RUBCN: variants seen among roughly 807,000 people sequenced by gnomAD.
RUBCN encodes the protein run domain Beclin-1-interacting and cysteine-rich domain-containing protein.
Under a neutral mutation model 113.2 loss-of-function variants are expected in RUBCN, and 74 were observed. The ratio of observed to expected loss-of-function variants is 0.65; its 90% CI spans 0.54 to 0.79. RUBCN has a LOEUF of 0.79. RUBCN is among the 30% of genes least tolerant of loss of function. RUBCN has a pLI of 0.00. For synonymous variants in RUBCN, 480 were observed against 490.0 expected (o/e 0.98, Z 0.27); for missense variants, 1,109 against 1,251.7 (o/e 0.89, Z 1.72).
chr3:197,676,882 C>T lies in RUBCN; in HGVS notation c.2646+3G>A. On this transcript the variant is annotated splice_donor_region_variant and intron_variant, in intron 18 of 19. Transcript: ENST00000296343. ...GCTGCATGCTACAGTGAGACTTTCT[C>T]ACCATGCATCTCTCCACATGGGTAG... 6.2e-7 allele frequency: 1 copy of T among 1,614,204 alleles called. No individual in the cohort carries two copies. The highest frequency in any genetic ancestry group is 1.6e-4 in the Middle Eastern group (1 of 6,062).
rs1728181427 is a variant in RUBCN, at chr3:197,736,741, T to C, written c.-22A>G. 4.6e-6 allele frequency: 7 copies of C among 1,528,602 alleles called. No individual in the cohort carries two copies. Among genetic ancestry groups the C allele is most frequent in the Non-Finnish European group, 6.1e-6 (7 of 1,144,556 alleles). 94.7% of individuals were successfully genotyped at this position (1,528,602 alleles called of 1,614,324 possible). On this transcript the variant is annotated 5_prime_UTR_variant, in exon 1 of 20. Coordinates refer to ENST00000296343, the MANE Select transcript of RUBCN (RefSeq NM_014687.4). ...GCATCCGGGGCGGTGAGGCCGCCTC[T>C]TCGCCCAAGAGAGGCGTCCCTGCCG...
intron 11 of RUBCN, among the ~76,000 whole-genome samples, chr3:197,691,397 T>C (rs930222939): frequency 1.3e-5 from 2 of 151,976 alleles, no homozygotes; most frequent in African/African-American, 2.4e-5. Flanking sequence ...ATTATGGCAA[T>C]GACGGAGGCA....
chr3:197,675,009 G>A lies in RUBCN; in HGVS notation c.*9C>T, dbSNP rs1174955536. ...ACCCGGCCCGGAGGGAGGGCTGCACGTGCTTTCTTCAGGTGGCCTCCAGGA... is the reference window on the plus strand; with the variant it reads ...ACCCGGCCCGGAGGGAGGGCTGCACATGCTTTCTTCAGGTGGCCTCCAGGA... On this transcript the variant is annotated 3_prime_UTR_variant, in exon 20 of 20. Coordinates refer to ENST00000296343, the MANE Select transcript of RUBCN (RefSeq NM_014687.4). The surrounding 1 kb of genome is among the most constrained non-coding windows in gnomAD (Gnocchi z 4.4). 8.7e-6 allele frequency: 14 copies of A among 1,610,754 alleles called. No individual in the cohort carries two copies. The highest frequency in any genetic ancestry group is 4.5e-5 in the East Asian group (2 of 44,868).
chr3:197,675,760 T>C lies in RUBCN; in HGVS notation c.2647-245A>G, dbSNP rs1720322338. Among the ~76,000 whole-genome samples, 1 of 152,132 alleles carries C rather than the reference T, an allele frequency of 6.6e-6. No homozygotes were observed. Among genetic ancestry groups the C allele is most frequent in the South Asian group, 2.1e-4 (1 of 4,826 alleles). On this transcript the variant is annotated intron_variant, in intron 18 of 19. Transcript: ENST00000296343. The surrounding 1 kb of genome is among the most constrained non-coding windows in gnomAD (Gnocchi z 4.4). ...CTCCGACCCCCAGCGCGGCTCTCCA[T>C]GAAGAGAGGAGAAGGAGGAAATGGC... is the stretch of plus-strand genomic sequence containing the variant.
rs1720220733 is a variant in RUBCN at position 197,675,181 on chromosome 3, T to G, written c.2756A>C (p.Tyr919Ser). 1 of 1,613,950 alleles carries G rather than the reference T, an allele frequency of 6.2e-7. No homozygotes were observed. The highest frequency in any genetic ancestry group is 1.3e-5 in the African/African-American group (1 of 74,946). ...TCCAGACTTGAAGCAGGCTTTATGG[T>G]AACACGCTTTACACTCTACTCAGGT... ...CRTCEECKAC[Y>S]HKACFKSGSC... Residue 919 changes from tyrosine (Y) to serine (S), a missense_variant, in exon 20 of 20, where the codon TAC becomes TCC. By Grantham distance (144) the Tyr-to-Ser change is moderately radical. Coordinates refer to ENST00000296343, the MANE Select transcript of RUBCN (RefSeq NM_014687.4). This position sits in a 1 kb window ranked among gnomAD's most constrained non-coding sequence, Gnocchi z 4.4.
chr3:197,695,437 A>G (rs1722896581), intron 9 of RUBCN, among the ~76,000 whole-genome samples: 1 of 152,102 alleles, frequency 6.6e-6, no homozygotes, highest in Non-Finnish European at 1.5e-5. Context: ...CCATCTCTAC[A>G]AAAAAATAAA....
chr3:197,743,576 C>T (rs1274048782), intron 1 of RUBCN, among the ~76,000 whole-genome samples: 1 of 152,154 alleles, frequency 6.6e-6, no homozygotes, highest in Non-Finnish European at 1.5e-5. Context: ...AAAGCTACTG[C>T]AGCAGAAGAC....
chr3:197,715,615 G>A (rs1332161797), intron 2 of RUBCN, among the ~76,000 whole-genome samples: 2 of 152,030 alleles, frequency 1.3e-5, no homozygotes, highest in East Asian at 1.9e-4. Flanking sequence ...TCATTTCACT[G>A]GTGAGGAAAC....
chr3:197,715,684 C>G (rs894289921), intron 2 of RUBCN, among the ~76,000 whole-genome samples: 4 of 152,194 alleles, frequency 2.6e-5, no homozygotes, highest in African/African-American at 9.7e-5. Flanking sequence ...CATGAAGGAG[C>G]TGAAAACTGA....
At chr3:197,679,068 A>G (rs1720853730) in intron 16 of RUBCN, among the ~76,000 whole-genome samples, 1 of 148,998 alleles carries the variant, frequency 6.7e-6, no homozygotes, top group Non-Finnish European at 1.5e-5. Flanking sequence ...CGCTCTGACA[A>G]CTGGCTTCAG....
At chr3:197,741,920 C>T (rs552354041) in intron 1 of RUBCN, among the ~76,000 whole-genome samples, 4 of 151,460 alleles carry the variant, frequency 2.6e-5, no homozygotes, top group Admixed American at 6.6e-5. Context: ...TTTTTTGAGA[C>T]GGAGTCTCGC....
At chr3:197,716,395 G>A (rs1397445789) in intron 2 of RUBCN, among the ~76,000 whole-genome samples, 1 of 152,218 alleles carries the variant, frequency 6.6e-6, no homozygotes, top group Non-Finnish European at 1.5e-5. Flanking sequence ...AAAGTGCTGG[G>A]ATTACAGGCG....
In RUBCN at chr3:197,701,758, T is replaced by C; in HGVS notation, c.677A>G (p.Tyr226Cys). The change falls in exon 6 of 20, where the codon TAC becomes TGC. Residue 226 changes from tyrosine to cysteine, a missense_variant. Around this residue, in one of 3 missense-constraint regions of RUBCN, gnomAD observed 736 missense variants for 779.6 expected, o/e 0.94. Coordinates refer to ENST00000296343, the MANE Select transcript of RUBCN (RefSeq NM_014687.4). The stretch of plus-strand genomic sequence containing the variant: ...GTGGAGGCTAGAGAAGGACCCAAAG[T>C]AGGAATGCTGAGCATAGCTGTTTGG... ...TPPNSYAQHS[Y>C]FGSFSSLHQS... 2 of 1,614,096 alleles carry C rather than the reference T, an allele frequency of 1.2e-6. No homozygotes were observed. Among genetic ancestry groups the C allele is most frequent in the Non-Finnish European group, 1.7e-6 (2 of 1,179,966 alleles).
intron 4 of RUBCN, among the ~76,000 whole-genome samples, chr3:197,703,959 AG>A (rs1257941983): frequency 6.6e-6 from 1 of 152,194 alleles, no homozygotes; most frequent in African/African-American, 2.4e-5. Flanking sequence ...GCTGCTGTGA[AG>A]ATACTGGACA....
At chr3:197,695,108 G>C (rs1193148600) in intron 9 of RUBCN, among the ~76,000 whole-genome samples, 1 of 151,798 alleles carries the variant, frequency 6.6e-6, no homozygotes, top group African/African-American at 2.4e-5. Flanking sequence ...CACTCTGGGA[G>C]GCCAAGCCCA....
chr3:197,687,652 C>G (rs1721997279), intron 11 of RUBCN, among the ~76,000 whole-genome samples: 1 of 152,250 alleles, frequency 6.6e-6, no homozygotes, highest in African/African-American at 2.4e-5. Flanking sequence ...CCCTCATAAA[C>G]AGCTCCCTCG....
Position 197,718,106 on chromosome 3 carries a change from A to G in RUBCN, c.90T>C (p.Gly30=), listed in dbSNP as rs201078693. 4.2e-5 allele frequency: 67 copies of G among 1,614,158 alleles called. No individual in the cohort carries two copies. The highest frequency in any genetic ancestry group is 5.0e-5 in the Non-Finnish European group (59 of 1,180,016). Reference sequence around the variant, plus strand: ...AACCCTCCACCGTCGTCTTCAAATTACCCAGCAACTGCCAGTGCTCCCTCC... The same window carrying G: ...AACCCTCCACCGTCGTCTTCAAATTGCCCAGCAACTGCCAGTGCTCCCTCC... ...ESRREHWQLL[G]NLKTTVEGLV... is the part of the protein sequence containing the mutation. Residue 30 remains glycine, a synonymous_variant, in exon 2 of 20, where the codon GGT becomes GGC. Transcript: ENST00000296343.
intron 1 of RUBCN, among the ~76,000 whole-genome samples, chr3:197,733,435 T>C (rs372085194): frequency 2.6e-4 from 39 of 152,314 alleles, no homozygotes; most frequent in South Asian, 8.3e-4. Context: ...TGAGCTACGA[T>C]TGCACTATTG....
At chr3:197,729,023 G>A (rs972716983) in intron 1 of RUBCN, among the ~76,000 whole-genome samples, 18 of 152,020 alleles carry the variant, frequency 1.2e-4, no homozygotes, top group Admixed American at 2.6e-4. Flanking sequence ...CAGCACTTTG[G>A]GAGGCCGAGG....
Sources: gnomAD v4.1 joint callset for allele counts (sites outside exome capture counted in the v4.1 genomes callset) on GRCh38, gnomAD v4.1.1 for gene constraint, gnomAD v4.1.1 regional missense constraint, Gnocchi (gnomAD v3.1) non-coding constraint, MANE v1.5 for transcripts, NCBI Gene and HGNC (gene_info 2026-07-23, HGNC 2026-07-21) for gene names.